Variants in SAXO1 observed in about 807,000 individuals in gnomAD.
SAXO1 encodes the protein stabilizer of axonemal microtubules 1, also known as 4930500O09Rik.
In SAXO1, 21 loss-of-function variants were observed where a neutral mutation model predicts 17.5. That is an observed-to-expected ratio of 1.20 (90% CI 0.85 to 1.72). The LOEUF is 1.72. SAXO1 is among the 40% of genes most tolerant of loss of function. The pLI, the probability that SAXO1 is intolerant of heterozygous loss-of-function variation, is 0.00. For synonymous variants in SAXO1, 274 were observed against 216.5 expected (o/e 1.27, Z -2.33); for missense variants, 843 against 596.0 (o/e 1.41, Z -4.32).
At chr9:19,043,516 G>C (rs1177982072) in intron 1 of SAXO1, among the ~76,000 whole-genome samples, 2 of 151,322 alleles carry the variant, frequency 1.3e-5, no homozygotes, top group African/African-American at 4.9e-5. Flanking sequence ...CCTGTAATTG[G>C]AGCACTTTGG....
intron 1 of SAXO1, among the ~76,000 whole-genome samples, chr9:19,032,615 C>T (rs918783046): frequency 2.6e-5 from 4 of 152,208 alleles, no homozygotes; most frequent in South Asian, 2.1e-4. Context: ...GCAGACTGCG[C>T]GGTCACGCCC....
intron 1 of SAXO1, among the ~76,000 whole-genome samples, chr9:19,030,258 T>C (rs1020778021): frequency 1.3e-5 from 2 of 152,006 alleles, no homozygotes; most frequent in African/African-American, 2.4e-5. Flanking sequence ...TGTAGTTTCA[T>C]GTAAGGGAAT....
chr9:18,963,127 C>T (rs546075014), intron 1 of SAXO1, among the ~76,000 whole-genome samples: 2 of 152,298 alleles, frequency 1.3e-5, no homozygotes, highest in Admixed American at 1.3e-4. Context: ...GGTGTTATTT[C>T]TGAGGCCTCT....
At chr9:18,956,229 G>T (rs1832255057) in intron 1 of SAXO1, among the ~76,000 whole-genome samples, 1 of 151,632 alleles carries the variant, frequency 6.6e-6, no homozygotes, top group Admixed American at 6.6e-5. Flanking sequence ...GGGATTACAG[G>T]TATAAGCACC....
At chr9:18,951,016 G>A (rs921785431) in intron 1 of SAXO1, 79 bp from the exon 2 acceptor site, 8 of 1,392,060 alleles carry the variant, frequency 5.7e-6, no homozygotes, top group Non-Finnish European at 5.9e-6. Context: ...TCCGCCAAAT[G>A]TGACTCAGAC....
chr9:19,019,624 G>A (rs540340746), intron 1 of SAXO1, among the ~76,000 whole-genome samples: 9 of 152,046 alleles, frequency 5.9e-5, no homozygotes, highest in Non-Finnish European at 1.2e-4. Context: ...AGCTACTCGA[G>A]GGGCTAAGGC....
intron 1 of SAXO1, among the ~76,000 whole-genome samples, chr9:18,985,551 G>C (rs572706730): frequency 4.2e-4 from 64 of 152,302 alleles, no homozygotes; most frequent in African/African-American, 1.5e-3. Flanking sequence ...AAACAGAGCA[G>C]CAATTGACTG....
intron 1 of SAXO1, among the ~76,000 whole-genome samples, chr9:19,009,224 T>C (rs1411474374): frequency 7.1e-6 from 1 of 139,998 alleles, no homozygotes; most frequent in Non-Finnish European, 1.6e-5. Flanking sequence ...ATCTTCACAT[T>C]GTTTTTCAAA....
rs572081373 is a variant in SAXO1, at chr9:18,928,590, G to C, written c.887C>G (p.Pro296Arg). The change falls in exon 4 of 4, where the codon CCT (proline) becomes CGT (arginine). Residue 296 changes from proline (P) to arginine (R), a missense_variant. Coordinates refer to ENST00000380534, the MANE Select transcript of SAXO1 (RefSeq NM_153707.4). ...MFSKAPITYVPPEDRMDLLTT... is the reference protein window; with the variant it reads ...MFSKAPITYVRPEDRMDLLTT... ...CAGAAGATCCATCCTGTCTTCGGGA[G>C]GGACGTAGGTGATGGGAGCTTTGGA... 5 of 1,614,170 alleles carry C rather than the reference G, an allele frequency of 3.1e-6. No individual in the cohort carries two copies. Among genetic ancestry groups the C allele is most frequent in the South Asian group, 1.1e-5 (1 of 91,078 alleles).
intron 1 of SAXO1, among the ~76,000 whole-genome samples, chr9:18,980,843 G>C (rs7863544): frequency 7.2e-6 from 1 of 138,732 alleles, no homozygotes; most frequent in Non-Finnish European, 1.5e-5. Context: ...AAAACTCATC[G>C]AGAACCCTCA....
intron 3 of SAXO1, among the ~76,000 whole-genome samples, chr9:18,933,920 C>A (rs948948131): frequency 6.6e-6 from 1 of 152,096 alleles, no homozygotes; most frequent in Non-Finnish European, 1.5e-5. Flanking sequence ...GTGGCGGGCG[C>A]CTGTAGTCCC....
chr9:18,974,427 C>T (rs557719976), intron 1 of SAXO1, among the ~76,000 whole-genome samples: 1 of 152,298 alleles, frequency 6.6e-6, no homozygotes, highest in African/African-American at 2.4e-5. Flanking sequence ...AGTGAACAAT[C>T]AGACCTTGGT....
intron 1 of SAXO1, among the ~76,000 whole-genome samples, chr9:18,972,721 G>A (rs1330412993): frequency 6.6e-6 from 1 of 152,032 alleles, no homozygotes; most frequent in Admixed American, 6.6e-5. Context: ...CCAACAGAAG[G>A]GCCTCCTCCA....
chr9:19,042,916 A>G (rs1313150296), intron 1 of SAXO1, among the ~76,000 whole-genome samples: 1 of 152,210 alleles, frequency 6.6e-6, no homozygotes, highest in Admixed American at 6.5e-5. Flanking sequence ...TGATGCCTAT[A>G]ATACCCGCAC....
intron 1 of SAXO1, among the ~76,000 whole-genome samples, chr9:18,973,671 A>C (rs1481417193): frequency 6.6e-6 from 1 of 152,164 alleles, no homozygotes; most frequent in East Asian, 1.9e-4. Flanking sequence ...CTGGCTACTT[A>C]AGCTGGTATC....
intron 1 of SAXO1, among the ~76,000 whole-genome samples, chr9:18,982,922 G>A (rs1157585877): frequency 6.6e-6 from 1 of 152,134 alleles, no homozygotes; most frequent in Non-Finnish European, 1.5e-5. Context: ...TAATTGTTTT[G>A]ATAGATGTAT....
intron 1 of SAXO1, among the ~76,000 whole-genome samples, chr9:19,016,140 T>TA (rs1474741423): frequency 6.6e-6 from 1 of 152,104 alleles, no homozygotes; most frequent in Non-Finnish European, 1.5e-5. Context: ...TGCAAGGCTA[T>TA]AAAAGCATAA....
intron 1 of SAXO1, among the ~76,000 whole-genome samples, chr9:19,046,389 C>A (rs1836215876): frequency 6.6e-6 from 1 of 151,766 alleles, no homozygotes; most frequent in Non-Finnish European, 1.5e-5. Flanking sequence ...AAAGGGTTAC[C>A]AAAAAAATAT....
At chr9:19,028,657 G>A (rs1835621638) in intron 1 of SAXO1, among the ~76,000 whole-genome samples, 1 of 152,124 alleles carries the variant, frequency 6.6e-6, no homozygotes, top group Non-Finnish European at 1.5e-5. Flanking sequence ...GACATTCTAT[G>A]GTAATAATTC....
Sources: allele counts gnomAD v4.1 joint callset (sites outside exome capture counted in the v4.1 genomes callset), GRCh38; gene constraint gnomAD v4.1.1; transcripts MANE v1.5; gene names NCBI Gene and HGNC (gene_info 2026-07-23, HGNC 2026-07-21).